Variants in TSPAN13 observed in about 807,000 individuals in gnomAD.
The protein encoded by TSPAN13 is tetraspanin-13.
TSPAN13 carries 18 observed loss-of-function variants against 26.9 expected under a neutral mutation model. The ratio of observed to expected loss-of-function variants is 0.67; its 90% CI spans 0.46 to 0.99. TSPAN13 has a LOEUF of 0.99. Ranked by LOEUF, TSPAN13 falls within the 50% of genes least tolerant of loss-of-function variation. The pLI is 0.00. For missense variants in TSPAN13, 201 were observed against 249.6 expected, an observed-to-expected ratio of 0.81 and a Z score of 1.31; for synonymous variants, 116 against 98.4, an observed-to-expected ratio of 1.18 and a Z score of -1.06.
At chr7:16,781,866 T>C (rs1405186168) in intron 5 of TSPAN13, among the ~76,000 whole-genome samples, 2 of 152,132 alleles carry the variant, frequency 1.3e-5, no homozygotes, top group East Asian at 1.9e-4. Context: ...ACTACAGATA[T>C]GTAAGTATTT....
At chr7:16,756,448 G>T (rs1158554296) in intron 1 of TSPAN13, among the ~76,000 whole-genome samples, 1 of 152,180 alleles carries the variant, frequency 6.6e-6, no homozygotes, top group Non-Finnish European at 1.5e-5. Context: ...CTGTGTTGAA[G>T]CATTTTACTG....
intron 1 of TSPAN13, among the ~76,000 whole-genome samples, chr7:16,757,476 A>G (rs1480066083): frequency 6.6e-6 from 1 of 151,312 alleles, no homozygotes; most frequent in Non-Finnish European, 1.5e-5. Flanking sequence ...CTTCTTAACC[A>G]GAGAAGAAAG....
At chr7:16,755,842 G>T (rs1784476151) in intron 1 of TSPAN13, among the ~76,000 whole-genome samples, 1 of 152,156 alleles carries the variant, frequency 6.6e-6, no homozygotes, top group African/African-American at 2.4e-5. Context: ...TGAGGCGAAA[G>T]AAAGGTGATT....
chr7:16,762,474 C>A (rs7786859), intron 1 of TSPAN13, among the ~76,000 whole-genome samples: 1,993 of 152,224 alleles, frequency 0.013, 38 homozygotes, highest in African/African-American at 0.045. Context: ...CAGGCCCTTC[C>A]CATCTTGGGA....
chr7:16,758,072 C>T (rs1271837333), intron 1 of TSPAN13, among the ~76,000 whole-genome samples: 3 of 151,954 alleles, frequency 2.0e-5, no homozygotes, highest in Admixed American at 1.3e-4. Flanking sequence ...TGACCTCAGG[C>T]GATCCACCCG....
rs763014781 is a variant in TSPAN13 at position 16,779,133 on chromosome 7, A to T, written c.540+17A>T. 7 of 1,578,636 alleles carry T rather than the reference A, an allele frequency of 4.4e-6. No individual in the cohort carries two copies. The highest frequency in any genetic ancestry group is 1.7e-4 in the Middle Eastern group (1 of 5,980). ...TTTACAGAGGTATGTGCAAATAACAATATTTTTCCTCCTTTGTCACAGAGA... is the reference window on the plus strand; with the variant it reads ...TTTACAGAGGTATGTGCAAATAACATTATTTTTCCTCCTTTGTCACAGAGA... On this transcript the variant is annotated intron_variant, in intron 5 of 5. Transcript: ENST00000262067.
chr7:16,760,155 T>G (rs1344121489), intron 1 of TSPAN13, among the ~76,000 whole-genome samples: 1 of 151,990 alleles, frequency 6.6e-6, no homozygotes, highest in Non-Finnish European at 1.5e-5. Context: ...GAGCCAATGG[T>G]GTGTTTAGGT....
Position 16,778,989 on chromosome 7 carries a change from T to A in TSPAN13, c.427-14T>A, listed in dbSNP as rs372542724. ...TATTTTGAAATAAAGGTTTTTTTAC[T>A]TTAATTGGTGCAGAGCTGTGTTAAA... is the stretch of plus-strand genomic sequence containing the variant. On this transcript the variant is annotated splice_polypyrimidine_tract_variant and intron_variant, in intron 4 of 5. Coordinates refer to ENST00000262067, the MANE Select transcript of TSPAN13 (RefSeq NM_014399.4). 27 of 1,564,226 alleles carry A rather than the reference T, an allele frequency of 1.7e-5. No homozygotes were observed. Among genetic ancestry groups the A allele is most frequent in the Non-Finnish European group, 2.3e-5 (27 of 1,156,872 alleles).
At chr7:16,764,456 A>C (rs1437301068) in intron 1 of TSPAN13, among the ~76,000 whole-genome samples, 1 of 152,102 alleles carries the variant, frequency 6.6e-6, no homozygotes, top group African/African-American at 2.4e-5. Context: ...TTCCAAGTAG[A>C]ATTTCTTGTT....
Position 16,754,639 on chromosome 7 carries a change from G to C in TSPAN13, c.63+609G>C, listed in dbSNP as rs149118033. Reference sequence around the variant, plus strand: ...GTTGTTGTCAGTTTTGCTAGTACTTGGTGCTTTTTCTGTGTGTCTTGTCCA... The same window carrying C: ...GTTGTTGTCAGTTTTGCTAGTACTTCGTGCTTTTTCTGTGTGTCTTGTCCA... On this transcript the variant is annotated intron_variant, in intron 1 of 5. Transcript: ENST00000262067. Among the ~76,000 whole-genome samples, 1,493 of 152,226 alleles carry C rather than the reference G, an allele frequency of 9.8e-3. 9 individuals carry two copies. The highest frequency in any genetic ancestry group is 0.014 in the Non-Finnish European group (952 of 68,020).
At chr7:16,755,792 A>G (rs1784475582) in intron 1 of TSPAN13, among the ~76,000 whole-genome samples, 1 of 152,152 alleles carries the variant, frequency 6.6e-6, no homozygotes, top group Admixed American at 6.5e-5. Flanking sequence ...CTTGCTTTCT[A>G]GACATCATTT....
intron 1 of TSPAN13, among the ~76,000 whole-genome samples, chr7:16,758,046 G>A (rs1440010504): frequency 1.2e-4 from 19 of 152,044 alleles, no homozygotes; most frequent in Admixed American, 1.2e-3. Flanking sequence ...TGTTGGCCAG[G>A]CTGGTCTTGA....
intron 1 of TSPAN13, among the ~76,000 whole-genome samples, chr7:16,755,254 A>G (rs1784469698): frequency 2.0e-5 from 3 of 152,168 alleles, no homozygotes; most frequent in South Asian, 4.2e-4. Flanking sequence ...CCAACAGGAG[A>G]AGGAGGTTGG....
At position 16,783,461 on chromosome 7, in the gene TSPAN13, C is replaced by T. The variant is rs761681126; in HGVS notation, c.585C>T (p.Asp195=). Residue 195 remains aspartate, a synonymous_variant, in exon 6 of 6, where the codon GAC becomes GAT. Transcript: ENST00000262067. The part of the protein sequence containing the change: ...WLTYRYRNQK[D]PRANPSAFL ...CCTACAGATACAGGAACCAGAAAGACCCCCGCGCGAATCCTAGTGCATTCC... is the reference window on the plus strand; with the variant it reads ...CCTACAGATACAGGAACCAGAAAGATCCCCGCGCGAATCCTAGTGCATTCC... The T allele has an allele frequency of 1.9e-6, 3 of 1,613,758 alleles. No homozygotes were observed. Among genetic ancestry groups the T allele is most frequent in the East Asian group, 4.5e-5 (2 of 44,880 alleles).
intron 4 of TSPAN13, among the ~76,000 whole-genome samples, chr7:16,778,528 C>T (rs1456326032): frequency 6.6e-6 from 1 of 152,206 alleles, no homozygotes; most frequent in Non-Finnish European, 1.5e-5. Context: ...TCTCCCCACG[C>T]TCAGTGGTTG....
At chr7:16,756,540 G>C (rs1309535031) in intron 1 of TSPAN13, among the ~76,000 whole-genome samples, 1 of 152,168 alleles carries the variant, frequency 6.6e-6, no homozygotes, top group Non-Finnish European at 1.5e-5. Context: ...CCACATTCAT[G>C]ATCAGCTCAG....
rs1784786116 is a variant in TSPAN13, at chr7:16,779,078, T to A, written c.502T>A (p.Phe168Ile). The A allele has an allele frequency of 1.9e-6, 3 of 1,613,980 alleles. No individual in the cohort carries two copies. The highest frequency in any genetic ancestry group is 1.7e-5 in the Admixed American group (1 of 59,980). ...AGAATATGCTGGAGAGGTTTTGAGA[T>A]TTGTTGGTGGCATTGGCCTGTTCTT... ...IGEYAGEVLRFVGGIGLFFSF... is the reference protein window; with the variant it reads ...IGEYAGEVLRIVGGIGLFFSF... Residue 168 changes from phenylalanine (F) to isoleucine (I), a missense_variant, in exon 5 of 6, where the codon TTT (phenylalanine) becomes ATT (isoleucine). Coordinates refer to ENST00000262067, the MANE Select transcript of TSPAN13 (RefSeq NM_014399.4).
In TSPAN13 at chr7:16,753,888, A is replaced by T; in HGVS notation, c.-80A>T. 6.8e-7 allele frequency: 1 copy of T among 1,464,458 alleles called. No individual in the cohort carries two copies. Among genetic ancestry groups the T allele is most frequent in the Non-Finnish European group, 9.4e-7 (1 of 1,064,424 alleles). 90.7% of individuals were successfully genotyped at this position (1,464,458 alleles called of 1,614,324 possible). ...CTGCCCCGCCTGGGCCAGGCCCCAA[A>T]GGCAAGGACAAAGCAGCTGTCAGGG... On this transcript the variant is annotated 5_prime_UTR_variant, in exon 1 of 6. The change creates a new upstream start codon in the 5' untranslated region. Coordinates refer to ENST00000262067, the MANE Select transcript of TSPAN13 (RefSeq NM_014399.4).
chr7:16,753,869 C>A lies in TSPAN13; in HGVS notation c.-99C>A. 4 of 1,324,026 alleles carry A rather than the reference C, an allele frequency of 3.0e-6. No individual in the cohort carries two copies. The highest frequency in any genetic ancestry group is 3.2e-6 in the Non-Finnish European group (3 of 940,434). 82.0% of individuals were successfully genotyped at this position (1,324,026 alleles called of 1,614,324 possible). A position where few individuals can be genotyped will look rare whatever the true frequency, so the allele number is the denominator to read the frequency against. On this transcript the variant is annotated 5_prime_UTR_variant, in exon 1 of 6. Transcript: ENST00000262067. ...CCCACCCACGTCTGCGTTGCTGCCC[C>A]GCCTGGGCCAGGCCCCAAAGGCAAG... is the stretch of plus-strand genomic sequence containing the variant.
Sources: allele counts gnomAD v4.1 joint callset (sites outside exome capture counted in the v4.1 genomes callset), GRCh38; gene constraint gnomAD v4.1.1; transcripts MANE v1.5; gene names NCBI Gene and HGNC (gene_info 2026-07-23, HGNC 2026-07-21).